The following ZBTB7C variants were observed in gnomAD, a reference collection of about 807,000 sequenced individuals.
ZBTB7C encodes zinc finger and BTB domain-containing protein 7C.
Under a neutral mutation model 25.7 loss-of-function variants are expected in ZBTB7C, and 8 were observed. That is an observed-to-expected ratio of 0.31 (90% CI 0.18 to 0.56). The LOEUF (loss-of-function observed/expected upper bound fraction) is 0.56. Ranked by LOEUF, ZBTB7C falls within the 20% of genes least tolerant of loss-of-function variation. The pLI, the probability that ZBTB7C is intolerant of heterozygous loss-of-function variation, is 0.91. For missense variants in ZBTB7C, 824 were observed against 855.2 expected (o/e 0.96, Z 0.46); for synonymous variants, 394 against 369.0 (o/e 1.07, Z -0.78).
At chr18:48,302,437 A>AT (rs2045567343) in intron 2 of ZBTB7C, among the ~76,000 whole-genome samples, 19 of 146,156 alleles carry the variant, frequency 1.3e-4, no homozygotes, top group Admixed American at 2.0e-4. Flanking sequence ...CTCTATATAT[A>AT]ATTTTTTTTC....
intron 2 of ZBTB7C, among the ~76,000 whole-genome samples, chr18:48,286,448 G>T (rs1292667259): frequency 1.3e-5 from 2 of 152,034 alleles, no homozygotes; most frequent in Non-Finnish European, 2.9e-5. Context: ...CACTCATAAG[G>T]ATATCAATGA....
chr18:48,112,260 C>CTTTTTTT (rs1048802422), intron 3 of ZBTB7C, among the ~76,000 whole-genome samples: 5 of 120,040 alleles, frequency 4.2e-5, no homozygotes, highest in Non-Finnish European at 7.1e-5. Context: ...TAATTTTTTT[C>CTTTTTTT]TTTTTTTTTT....
intron 1 of ZBTB7C, among the ~76,000 whole-genome samples, chr18:48,375,373 T>A (rs1425494788): frequency 6.6e-6 from 1 of 152,058 alleles, no homozygotes; most frequent in African/African-American, 2.4e-5. Context: ...GGACACACAG[T>A]GGGAAGGAAA....
intron 2 of ZBTB7C, among the ~76,000 whole-genome samples, chr18:48,211,205 A>G (rs923876547): frequency 6.6e-6 from 1 of 152,206 alleles, no homozygotes; most frequent in African/African-American, 2.4e-5. Flanking sequence ...TGAATCATAG[A>G]CCTAAATGTA....
intron 2 of ZBTB7C, among the ~76,000 whole-genome samples, chr18:48,253,909 C>T (rs2043943067): frequency 6.6e-6 from 1 of 152,194 alleles, no homozygotes; most frequent in Admixed American, 6.5e-5. Flanking sequence ...CCACATGCAT[C>T]CCCATTGTTC....
At chr18:48,092,112 G>A (rs1292040836) in intron 3 of ZBTB7C, among the ~76,000 whole-genome samples, 1 of 152,224 alleles carries the variant, frequency 6.6e-6, no homozygotes, top group Non-Finnish European at 1.5e-5. Context: ...ATCAGCCCAA[G>A]TGCTTGTTTC....
intron 3 of ZBTB7C, among the ~76,000 whole-genome samples, chr18:48,089,662 C>T (rs2038336049): frequency 6.6e-6 from 1 of 152,036 alleles, no homozygotes; most frequent in Admixed American, 6.6e-5. Context: ...GGGGTAGGGC[C>T]TAAAAGTCTG....
chr18:48,286,557 A>G (rs2045060674), intron 2 of ZBTB7C, among the ~76,000 whole-genome samples: 1 of 152,158 alleles, frequency 6.6e-6, no homozygotes, highest in Non-Finnish European at 1.5e-5. Context: ...TCATAATAAA[A>G]TAGCCTCAAA....
chr18:48,148,689 G>T (rs768951037), intron 3 of ZBTB7C: 1 of 152,214 alleles, frequency 6.6e-6, no homozygotes, highest in African/African-American at 2.4e-5. Flanking sequence ...ATCTGGTGAC[G>T]AATTCTTGCC....
chr18:48,073,799 G>A (rs1439981903), intron 3 of ZBTB7C, among the ~76,000 whole-genome samples: 2 of 152,132 alleles, frequency 1.3e-5, no homozygotes, highest in Non-Finnish European at 2.9e-5. Flanking sequence ...GGCCTGGGGT[G>A]GACGTTTCAG....
chr18:48,037,075 G>A (rs146456876), intron 4 of ZBTB7C, among the ~76,000 whole-genome samples: 1 of 152,322 alleles, frequency 6.6e-6, no homozygotes, highest in Admixed American at 6.5e-5. Context: ...AGGGAGGCAG[G>A]CTGGAGCCAT....
intron 1 of ZBTB7C, among the ~76,000 whole-genome samples, chr18:48,389,008 C>A (rs375654034): frequency 6.6e-6 from 1 of 152,162 alleles, no homozygotes; most frequent in Non-Finnish European, 1.5e-5. Context: ...CCTCTGCCCC[C>A]CAGTCTTTAT....
chr18:48,260,942 C>T (rs74960799), intron 2 of ZBTB7C, among the ~76,000 whole-genome samples: 2,272 of 152,250 alleles, frequency 0.015, 62 homozygotes, highest in African/African-American at 0.051. Context: ...CATGGCCCCA[C>T]ACCAGGCTTT....
chr18:48,123,515 C>G (rs73954900), intron 3 of ZBTB7C, among the ~76,000 whole-genome samples: 3,742 of 152,346 alleles, frequency 0.025, 153 homozygotes, highest in African/African-American at 0.086. Flanking sequence ...CCCCAGAGGT[C>G]CCTGTGGGGT....
chr18:48,367,322 G>A (rs1568404327), intron 1 of ZBTB7C, among the ~76,000 whole-genome samples: 1 of 119,256 alleles, frequency 8.4e-6, no homozygotes, highest in African/African-American at 3.4e-5. Context: ...ACATATATGT[G>A]TGTATATATA....
intron 2 of ZBTB7C, among the ~76,000 whole-genome samples, chr18:48,220,443 G>A (rs961998135): frequency 1.3e-5 from 2 of 152,138 alleles, no homozygotes; most frequent in African/African-American, 4.8e-5. Context: ...CTGCCTCTAG[G>A]GAACAAATAC....
chr18:48,396,113 C>G (rs148011989), intron 1 of ZBTB7C, among the ~76,000 whole-genome samples: 3 of 152,154 alleles, frequency 2.0e-5, no homozygotes, highest in African/African-American at 7.2e-5. Flanking sequence ...TCCCTACCCC[C>G]CTCTCAAAGC....
rs1180190109 is a variant in ZBTB7C, at chr18:48,367,202, TACACACAC to T, written c.-303-28812_-303-28805del. 3.3e-4 allele frequency among the ~76,000 whole-genome samples: 21 copies of T among 63,378 alleles called. 1 individual carries two copies. The highest frequency in any genetic ancestry group is 9.2e-4 in the African/African-American group (15 of 16,254). 41.6% of individuals were successfully genotyped at this position (63,378 alleles called of 152,430 possible). On this transcript the variant is annotated intron_variant, in intron 1 of 4. Transcript: ENST00000590800. Reference sequence around the variant, plus strand: ...ATATATATATATATATATATATATATACACACACACACACACACACACACACACACATA... The same window carrying T: ...ATATATATATATATATATATATATATACACACACACACACACACACACATA...
chr18:48,247,854 C>A (rs543755495), intron 2 of ZBTB7C, among the ~76,000 whole-genome samples: 1 of 152,314 alleles, frequency 6.6e-6, no homozygotes, highest in South Asian at 2.1e-4. Flanking sequence ...ACCTGCCACC[C>A]CCCTGCGAAG....
Sources: gnomAD v4.1 joint callset for allele counts (sites outside exome capture counted in the v4.1 genomes callset) on GRCh38, gnomAD v4.1.1 for gene constraint, MANE v1.5 for transcripts, NCBI Gene and HGNC (gene_info 2026-07-23, HGNC 2026-07-21) for gene names.